Variants in OPCML observed in about 807,000 individuals in gnomAD.
OPCML encodes the protein opioid-binding protein/cell adhesion molecule.
A neutral mutation model predicts 37.8 loss-of-function variants in OPCML; 13 were observed. The ratio of observed to expected loss-of-function variants is 0.34; its 90% CI spans 0.22 to 0.55. The LOEUF (loss-of-function observed/expected upper bound fraction) is 0.55, where lower values mean the gene tolerates loss of function less well. Among genes scored for constraint, OPCML ranks in the 20% least tolerant of loss-of-function variants. The pLI is 0.91. For synonymous variants in OPCML, 176 were observed against 168.8 expected (o/e 1.04, Z -0.33); for missense variants, 341 against 435.6 (o/e 0.78, Z 1.93).
chr11:133,213,432 A>G (rs1271423586), intron 1 of OPCML, among the ~76,000 whole-genome samples: 2 of 152,170 alleles, frequency 1.3e-5, no homozygotes, highest in Non-Finnish European at 2.9e-5. Flanking sequence ...TAAAGTTAAA[A>G]ATTTGGTCTT....
chr11:132,665,918 A>G (rs555488119), intron 2 of OPCML, among the ~76,000 whole-genome samples: 43 of 152,366 alleles, frequency 2.8e-4, no homozygotes, highest in African/African-American at 8.2e-4. Context: ...ATTCATGGAT[A>G]CAATAAAAAG....
chr11:133,355,741 G>T (rs978863555), intron 1 of OPCML, among the ~76,000 whole-genome samples: 1 of 152,066 alleles, frequency 6.6e-6, no homozygotes, highest in Non-Finnish European at 1.5e-5. Flanking sequence ...AAACCAAGAT[G>T]GTAGCTGATA....
intron 2 of OPCML, among the ~76,000 whole-genome samples, chr11:132,930,021 T>G (rs1945145549): frequency 6.6e-6 from 1 of 152,152 alleles, no homozygotes; most frequent in African/African-American, 2.4e-5. Context: ...AGTGTCTGCT[T>G]CTATCACTTC....
intron 2 of OPCML, among the ~76,000 whole-genome samples, chr11:132,886,434 C>A (rs1309599645): frequency 6.6e-6 from 1 of 152,180 alleles, no homozygotes; most frequent in Non-Finnish European, 1.5e-5. Flanking sequence ...TTGCAGTGTG[C>A]ACAATGGCTT....
chr11:132,433,795 G>A (rs542197726), intron 7 of OPCML, among the ~76,000 whole-genome samples: 1 of 152,330 alleles, frequency 6.6e-6, no homozygotes, highest in South Asian at 2.1e-4. Context: ...GAAACCATGT[G>A]AGGACATAGC....
chr11:132,506,109 T>C (rs1259823043), intron 4 of OPCML, among the ~76,000 whole-genome samples: 4 of 152,144 alleles, frequency 2.6e-5, no homozygotes, highest in Non-Finnish European at 4.4e-5. Flanking sequence ...CCAAATATAA[T>C]GAAGGGGTAA....
At chr11:132,976,706 T>C (rs1434373493) in intron 1 of OPCML, among the ~76,000 whole-genome samples, 1 of 152,216 alleles carries the variant, frequency 6.6e-6, no homozygotes, top group Non-Finnish European at 1.5e-5. Flanking sequence ...CCTAGTACTT[T>C]CTGGCATTTA....
chr11:133,510,041 C>A (rs1334079162), intron 1 of OPCML, among the ~76,000 whole-genome samples: 2 of 152,172 alleles, frequency 1.3e-5, no homozygotes, highest in East Asian at 3.9e-4. Context: ...CTGCTACAGG[C>A]TTGCTTACCA....
intron 2 of OPCML, among the ~76,000 whole-genome samples, chr11:132,850,718 C>G (rs1318597532): frequency 3.3e-5 from 5 of 152,178 alleles, no homozygotes; most frequent in Non-Finnish European, 5.9e-5. Flanking sequence ...TTTCCCACCT[C>G]CTAAACCTCA....
At chr11:132,694,177 GTC>G (rs1943513176) in intron 2 of OPCML, among the ~76,000 whole-genome samples, 3 of 63,922 alleles carry the variant, frequency 4.7e-5, no homozygotes, top group African/African-American at 1.8e-4. Flanking sequence ...TGAAATCAAT[GTC>G]TTTTTTTTTT....
chr11:132,876,175 T>C (rs371471896), intron 2 of OPCML, among the ~76,000 whole-genome samples: 1 of 152,220 alleles, frequency 6.6e-6, no homozygotes, highest in African/African-American at 2.4e-5. Context: ...ACTGGTTTCA[T>C]AGAAGTCGGG....
intron 1 of OPCML, among the ~76,000 whole-genome samples, chr11:133,250,792 G>A (rs1941106588): frequency 1.3e-5 from 2 of 152,102 alleles, no homozygotes; most frequent in African/African-American, 4.8e-5. Flanking sequence ...AAAATTTTAA[G>A]AGCAAAGAAA....
chr11:133,149,138 T>C (rs555501892), intron 1 of OPCML, among the ~76,000 whole-genome samples: 8 of 152,320 alleles, frequency 5.3e-5, no homozygotes, highest in South Asian at 4.1e-4. Flanking sequence ...AAAATCTAAA[T>C]TGATGGCTGT....
intron 1 of OPCML, among the ~76,000 whole-genome samples, chr11:133,045,399 C>T (rs552494190): frequency 6.6e-5 from 10 of 152,308 alleles, no homozygotes; most frequent in South Asian, 2.1e-4. Flanking sequence ...CCACGCACCC[C>T]GGAGGGACAG....
intron 1 of OPCML, among the ~76,000 whole-genome samples, chr11:133,243,473 A>G (rs977696532): frequency 6.6e-6 from 1 of 152,230 alleles, no homozygotes; most frequent in Non-Finnish European, 1.5e-5. Flanking sequence ...CAACAGAGCA[A>G]GGTGCAGTGA....
intron 1 of OPCML, among the ~76,000 whole-genome samples, chr11:133,347,260 A>C (rs1278893718): frequency 6.6e-6 from 1 of 152,160 alleles, no homozygotes; most frequent in South Asian, 2.1e-4. Flanking sequence ...AGGTGTCTTC[A>C]TGATGACTCT....
chr11:133,415,662 C>T (rs772032851), intron 1 of OPCML, among the ~76,000 whole-genome samples: 40 of 152,130 alleles, frequency 2.6e-4, no homozygotes, highest in Non-Finnish European at 5.6e-4. Context: ...CCTCACCTGG[C>T]AAAACAGACT....
intron 1 of OPCML, among the ~76,000 whole-genome samples, chr11:133,285,591 A>AGT (rs1942273436): frequency 6.6e-6 from 1 of 152,204 alleles, no homozygotes; most frequent in Non-Finnish European, 1.5e-5. Flanking sequence ...TGTTAAAAGG[A>AGT]GCCAGCTAGG....
chr11:133,046,376 C>T (rs182187788), intron 1 of OPCML, among the ~76,000 whole-genome samples: 37 of 152,260 alleles, frequency 2.4e-4, no homozygotes, highest in African/African-American at 1.2e-4. Context: ...GTAGCCAGTC[C>T]GCTAAAGAAC....
Sources: gnomAD v4.1 joint callset for allele counts (sites outside exome capture counted in the v4.1 genomes callset) on GRCh38, gnomAD v4.1.1 for gene constraint, MANE v1.5 for transcripts, NCBI Gene and HGNC (gene_info 2026-07-23, HGNC 2026-07-21) for gene names.